The following PCDH11Y variants were observed in gnomAD, a reference collection of about 807,000 sequenced individuals.
PCDH11Y encodes the protein protocadherin-11 Y-linked.
For missense variants in PCDH11Y, 12 were observed against 224.8 expected, an observed-to-expected ratio of 0.05 and a Z score of 6.05; for synonymous variants, 9 against 83.6, an observed-to-expected ratio of 0.11 and a Z score of 4.87.
rs1602947984 is a variant in PCDH11Y at position 5,593,720 on chromosome Y, G to T, written c.3352+11922G>T. Among the ~76,000 whole-genome samples, 38 of 31,301 alleles carry T rather than the reference G, an allele frequency of 1.2e-3. No individual in the cohort carries two copies. The East Asian group carries it at 0.03, about 25-fold the overall frequency. 84.0% of individuals were successfully genotyped at this position (31,301 alleles called of 37,273 possible). On this transcript the variant is annotated intron_variant, in intron 4 of 4. Transcript: ENST00000400457. Reference sequence around the variant, plus strand: ...TTAATCCTATTAGATGCCCTTGAGGGTTTAGTTGTGGTACAAGCTTAGTTC... The same window carrying T: ...TTAATCCTATTAGATGCCCTTGAGGTTTTAGTTGTGGTACAAGCTTAGTTC...
At chrY:5,139,193 G>T in intron 2 of PCDH11Y, among the ~76,000 whole-genome samples, 1 of 33,258 alleles carries the variant, frequency 3.0e-5, no homozygotes, top group Non-Finnish European at 7.5e-5. Flanking sequence ...TCCAGCATCC[G>T]CTTATGATTA....
intron 2 of PCDH11Y, among the ~76,000 whole-genome samples, chrY:5,410,275 G>A (rs2124678262): frequency 3.1e-5 from 1 of 32,296 alleles, no homozygotes; most frequent in African/African-American, 1.2e-4. Context: ...GGAGGCTGAG[G>A]CAGGAGAATC....
chrY:5,480,147 G>T, intron 2 of PCDH11Y, among the ~76,000 whole-genome samples: 1 of 32,133 alleles, frequency 3.1e-5, no homozygotes, highest in Non-Finnish European at 7.6e-5. Context: ...TTCTGTGCTG[G>T]TTTTTCCTCA....
chrY:5,570,153 A>G, intron 3 of PCDH11Y, among the ~76,000 whole-genome samples: 1 of 33,194 alleles, frequency 3.0e-5, no homozygotes, highest in Non-Finnish European at 7.5e-5. Context: ...TTAATCTGTC[A>G]GACTGATAAA....
intron 2 of PCDH11Y, among the ~76,000 whole-genome samples, chrY:5,453,062 C>A (rs2124682911): frequency 3.0e-5 from 1 of 33,041 alleles, no homozygotes; most frequent in South Asian, 6.7e-4. Flanking sequence ...CAAAAAAGAG[C>A]CTGAGTAGTC....
chrY:5,514,660 G>A lies in PCDH11Y; in HGVS notation c.3328+13405G>A. Among the ~76,000 whole-genome samples, 4 of 32,907 alleles carry A rather than the reference G, an allele frequency of 1.2e-4. No homozygotes were observed. In the East Asian group the frequency reaches 3.2e-3, roughly 26 times the overall value. 88.3% of individuals were successfully genotyped at this position (32,907 alleles called of 37,273 possible). A position where few individuals can be genotyped will look rare whatever the true frequency, so the allele number is the denominator to read the frequency against. ...CATCTTTATAACTCCAAATCATCAC[G>A]GAAGTAAAACATTTTTAATATTACA... is the stretch of plus-strand genomic sequence containing the variant. On this transcript the variant is annotated intron_variant, in intron 3 of 4. Coordinates refer to the PCDH11Y transcript ENST00000400457.
Position 5,211,756 on chromosome Y carries a change from C to A in PCDH11Y, c.3129+111049C>A, listed in dbSNP as rs2124651064. On this transcript the variant is annotated intron_variant, in intron 2 of 4. Coordinates refer to the PCDH11Y transcript ENST00000400457. ...TCCTGGGTTCAAGAGATTCTCCTGC[C>A]TCAGCCTCCCAAGCAGCTGGTATTA... Among the ~76,000 whole-genome samples the A allele has an allele frequency of 1.2e-4, 4 of 32,879 alleles. No homozygotes were observed. The East Asian group carries it at 3.3e-3, about 27-fold the overall frequency. The allele number at this position is 32,879 out of a possible 37,273, so 88.2% of individuals were successfully genotyped here.
At chrY:5,014,915 T>C in intron 1 of PCDH11Y, among the ~76,000 whole-genome samples, 2 of 33,475 alleles carry the variant, frequency 6.0e-5, no homozygotes, top group Admixed American at 5.5e-4. Flanking sequence ...TTGTTTTCCA[T>C]TGGAAGAACT....
At chrY:5,133,323 C>T in intron 2 of PCDH11Y, among the ~76,000 whole-genome samples, 1 of 30,975 alleles carries the variant, frequency 3.2e-5, no homozygotes, top group Non-Finnish European at 7.9e-5. Context: ...CTTTTCATGT[C>T]CAGGGATAGT....
intron 2 of PCDH11Y, among the ~76,000 whole-genome samples, chrY:5,248,754 G>A (rs2053000041): frequency 9.3e-5 from 3 of 32,380 alleles, no homozygotes; most frequent in African/African-American, 3.6e-4. Context: ...AATAAATAAC[G>A]GTATTCAAAT....
chrY:5,275,614 C>A, intron 2 of PCDH11Y, among the ~76,000 whole-genome samples: 1 of 33,319 alleles, frequency 3.0e-5, no homozygotes, highest in African/African-American at 1.2e-4. Context: ...AATTAGCATT[C>A]CACAAATTCT....
At chrY:5,631,399 G>C in intron 4 of PCDH11Y, among the ~76,000 whole-genome samples, 2 of 30,223 alleles carry the variant, frequency 6.6e-5, no homozygotes, top group African/African-American at 3.1e-4. Context: ...GTACCTCTCA[G>C]AAAGCAAAAT....
intron 4 of PCDH11Y, among the ~76,000 whole-genome samples, chrY:5,728,287 T>C: frequency 6.0e-5 from 2 of 33,393 alleles, no homozygotes; most frequent in Admixed American, 5.5e-4. Context: ...TATGCAGGAC[T>C]GGAATTGCTG....
At chrY:5,137,570 G>GA (rs2052842074) in intron 2 of PCDH11Y, among the ~76,000 whole-genome samples, 1 of 31,631 alleles carries the variant, frequency 3.2e-5, no homozygotes, top group Non-Finnish European at 7.7e-5. Flanking sequence ...TAATGGGGTG[G>GA]AAAAAAACAT....
intron 2 of PCDH11Y, among the ~76,000 whole-genome samples, chrY:5,131,586 G>T: frequency 3.0e-5 from 1 of 32,803 alleles, no homozygotes; most frequent in Admixed American, 2.8e-4. Flanking sequence ...ATCTTACAGT[G>T]GTTTGCTGAT....
At chrY:5,453,682 G>T in intron 2 of PCDH11Y, among the ~76,000 whole-genome samples, 1 of 33,116 alleles carries the variant, frequency 3.0e-5, no homozygotes, top group Admixed American at 2.8e-4. Flanking sequence ...ATGGTGGAAG[G>T]CCTAGGGAGA....
At chrY:5,545,797 G>A in intron 3 of PCDH11Y, among the ~76,000 whole-genome samples, 1 of 32,082 alleles carries the variant, frequency 3.1e-5, no homozygotes, top group Non-Finnish European at 7.8e-5. Flanking sequence ...AAGGGGGAGG[G>A]AGGGTAGATA....
At chrY:5,369,220 G>T in intron 2 of PCDH11Y, among the ~76,000 whole-genome samples, 1 of 31,914 alleles carries the variant, frequency 3.1e-5, no homozygotes, top group Non-Finnish European at 7.6e-5. Flanking sequence ...TGGTTTGGCT[G>T]TGTCCCCAAC....
Position 5,457,512 on chromosome Y carries a change from C to T in PCDH11Y, c.3130-43545C>T. On this transcript the variant is annotated intron_variant, in intron 2 of 4. Transcript: ENST00000400457. Reference sequence around the variant, plus strand: ...AATAGCTTTACGGAGTCGGTTTTCACCTTACCCTGTGATATGGTGGATAAT... The same window carrying T: ...AATAGCTTTACGGAGTCGGTTTTCATCTTACCCTGTGATATGGTGGATAAT... Among the ~76,000 whole-genome samples the T allele has an allele frequency of 1.2e-4, 4 of 32,984 alleles. No individual in the cohort carries two copies. The South Asian group carries it at 2.8e-3, about 23-fold the overall frequency. The allele number at this position is 32,984 out of a possible 37,273, so 88.5% of individuals were successfully genotyped here. A position where few individuals can be genotyped will look rare whatever the true frequency, so the allele number is the denominator to read the frequency against.
Sources: allele counts gnomAD v4.1 joint callset (sites outside exome capture counted in the v4.1 genomes callset), GRCh38; gene constraint gnomAD v4.1.1; transcripts MANE v1.5; gene names NCBI Gene and HGNC (gene_info 2026-07-23, HGNC 2026-07-21).